ADGRF1: variants seen among roughly 807,000 people sequenced by gnomAD.
The protein encoded by ADGRF1 is adhesion G protein-coupled receptor F1.
ADGRF1 carries 85 observed loss-of-function variants against 87.2 expected under a neutral mutation model. The ratio of observed to expected loss-of-function variants is 0.97; its 90% CI spans 0.82 to 1.17. The LOEUF (loss-of-function observed/expected upper bound fraction) is 1.17, where lower values mean the gene tolerates loss of function less well. ADGRF1 is among the 50% of genes most tolerant of loss of function. The pLI is 0.00. For missense variants in ADGRF1, 1,169 were observed against 1,077.2 expected (o/e 1.09, Z -1.19); for synonymous variants, 430 against 408.8 (o/e 1.05, Z -0.63).
intron 8 of ADGRF1, 115 bp downstream of exon 8, chr6:47,016,502 C>T: frequency 1.7e-6 from 2 of 1,166,956 alleles, no homozygotes; most frequent in African/African-American, 1.5e-5. Context: ...TGCTGAAAGG[C>T]AGTTAGAGAA....
chr6:47,015,287 G>A (rs549984826), intron 8 of ADGRF1, among the ~76,000 whole-genome samples: 11 of 152,184 alleles, frequency 7.2e-5, no homozygotes, highest in Non-Finnish European at 1.6e-4. Flanking sequence ...CTTCCTACCT[G>A]TACCTCTTTA....
chr6:47,000,268 T>C lies in ADGRF1; in HGVS notation c.2687A>G (p.Asp896Gly). The C allele has an allele frequency of 6.2e-7, 1 of 1,603,974 alleles. No homozygotes were observed. The highest frequency in any genetic ancestry group is 8.5e-7 in the Non-Finnish European group (1 of 1,173,402). ...KGHYAFSHTG[D>G]SSDNIMLTQF... Reference sequence around the variant, plus strand: ...AGTTAGCATGATGTTGTCGGAGGAATCTCCAGTATGAGAAAATGCATAATG... The same window carrying C: ...AGTTAGCATGATGTTGTCGGAGGAACCTCCAGTATGAGAAAATGCATAATG... The change falls in exon 15 of 15, where the codon GAT (aspartate) becomes GGT (glycine). Residue 896 changes from aspartate (D) to glycine (G), a missense_variant. Transcript: ENST00000371253.
intron 14 of ADGRF1, among the ~76,000 whole-genome samples, chr6:47,000,959 A>G (rs567515882): frequency 1.3e-5 from 2 of 152,342 alleles, no homozygotes; most frequent in African/African-American, 4.8e-5. Context: ...CAGTTGCTCA[A>G]TAGCACAGAC....
At chr6:47,007,889 G>A (rs1031565357) in intron 11 of ADGRF1, among the ~76,000 whole-genome samples, 2 of 152,238 alleles carry the variant, frequency 1.3e-5, no homozygotes, top group African/African-American at 4.8e-5. Context: ...GTCACTGCTA[G>A]GGGCATGCTC....
intron 9 of ADGRF1, 142 bp downstream of exon 9, chr6:47,014,539 G>T: frequency 6.9e-7 from 1 of 1,442,768 alleles, no homozygotes; most frequent in Admixed American, 2.7e-5. Flanking sequence ...GGGTTCACCA[G>T]GGTCTGATGT....
At chr6:47,006,697 G>A (rs1414828895) in intron 12 of ADGRF1, among the ~76,000 whole-genome samples, 1 of 151,938 alleles carries the variant, frequency 6.6e-6, no homozygotes, top group Admixed American at 6.6e-5. Context: ...TTTCCCCTGA[G>A]TCCCCAAAGT....
At chr6:47,021,873 T>C in intron 6 of ADGRF1, 85 bp downstream of exon 6, 3 of 722,006 alleles carry the variant, frequency 4.2e-6, no homozygotes, top group Non-Finnish European at 4.8e-6. Flanking sequence ...ATTAAGAATA[T>C]GTATTAAATA....
chr6:47,009,320 C>T lies in ADGRF1; in HGVS notation c.2115G>A (p.Leu705=), dbSNP rs1779623883. ...ATATAATGAGAGGGCACCCATAACC[C>T]AGGCAAAATCCAACAGCCATCATCA... ...QHLMMAVGFC[L]GYGCPLIISV... The change falls in exon 11 of 15, where the codon CTG becomes CTA. Residue 705 remains leucine (L), a synonymous_variant. Transcript: ENST00000371253. The T allele has an allele frequency of 6.2e-7, 1 of 1,614,060 alleles. No individual in the cohort carries two copies. Among genetic ancestry groups the T allele is most frequent in the Admixed American group, 1.7e-5 (1 of 59,994 alleles).
At position 47,009,270 on chromosome 6, in the gene ADGRF1, T is replaced by G; in HGVS notation, c.2165A>C (p.Gln722Pro). ...IISVITIAVT[Q>P]PSNTYKRKDV... ...TTTCCTTTTGTAGGTATTGCTAGGTTGCGTGACAGCAATGGTAATGACAGA... is the reference window on the plus strand; with the variant it reads ...TTTCCTTTTGTAGGTATTGCTAGGTGGCGTGACAGCAATGGTAATGACAGA... The change falls in exon 11 of 15, where the codon CAA (glutamine) becomes CCA (proline). Residue 722 changes from glutamine to proline, a missense_variant. By Grantham distance (76) the Gln-to-Pro change is moderately conservative (BLOSUM62 -1). Coordinates refer to ENST00000371253, the MANE Select transcript of ADGRF1 (RefSeq NM_153840.4). 6.2e-7 allele frequency: 1 copy of G among 1,614,174 alleles called. No homozygotes were observed. Among genetic ancestry groups the G allele is most frequent in the South Asian group, 1.1e-5 (1 of 91,088 alleles).
chr6:47,022,161 G>A, intron 5 of ADGRF1, 103 bp from the exon 6 acceptor site: 2 of 665,600 alleles, frequency 3.0e-6, no homozygotes, highest in East Asian at 6.5e-5. Context: ...CTATTCAACA[G>A]TGATGTTTCA....
intron 1 of ADGRF1, among the ~76,000 whole-genome samples, chr6:47,038,981 C>T (rs1007672491): frequency 6.6e-6 from 1 of 152,158 alleles, no homozygotes; most frequent in African/African-American, 2.4e-5. Context: ...ATATAATCTG[C>T]TTAACACAAA....
intron 1 of ADGRF1, among the ~76,000 whole-genome samples, chr6:47,032,787 G>T (rs2113907375): frequency 6.6e-6 from 1 of 152,320 alleles, no homozygotes; most frequent in South Asian, 2.1e-4. Context: ...TTGCTGGATT[G>T]TGTCAGAATT....
chr6:47,010,646 T>G (rs1779678897), intron 10 of ADGRF1, among the ~76,000 whole-genome samples: 1 of 152,182 alleles, frequency 6.6e-6, no homozygotes, highest in Admixed American at 6.5e-5. Flanking sequence ...CTCCGAGATG[T>G]TAAAAATGAC....
chr6:47,009,942 T>C lies in ADGRF1; in HGVS notation c.1493A>G (p.Asn498Ser). 1 of 1,614,164 alleles carries C rather than the reference T, an allele frequency of 6.2e-7. No individual in the cohort carries two copies. Among genetic ancestry groups the C allele is most frequent in the Non-Finnish European group, 8.5e-7 (1 of 1,179,974 alleles). The change falls in exon 11 of 15, where the codon AAT becomes AGT. Residue 498 changes from asparagine (N) to serine (S), a missense_variant. Asn to Ser is a conservative substitution (Grantham distance 46). Transcript: ENST00000371253. ...GNILPVSKNG[N>S]AQVNGPVIST... Reference sequence around the variant, plus strand: ...TATCACAGGTCCATTGACCTGAGCATTTCCATTTTTGGAAACGGGTAGAAT... The same window carrying C: ...TATCACAGGTCCATTGACCTGAGCACTTCCATTTTTGGAAACGGGTAGAAT...
chr6:47,040,116 C>A (rs11965700), intron 1 of ADGRF1, among the ~76,000 whole-genome samples: 57,676 of 151,998 alleles, frequency 0.38, 11,075 homozygotes, highest in Middle Eastern at 0.56. Context: ...TATTTGGCAA[C>A]AGCGTTTCCC....
chr6:47,014,209 T>C, intron 9 of ADGRF1: 18 of 979,410 alleles, frequency 1.8e-5, no homozygotes, highest in Non-Finnish European at 2.1e-5. Flanking sequence ...CAGATGCCCC[T>C]TAAGGTCCAT....
intron 5 of ADGRF1, among the ~76,000 whole-genome samples, chr6:47,023,630 C>G (rs1166610708): frequency 6.6e-6 from 1 of 152,186 alleles, no homozygotes; most frequent in Non-Finnish European, 1.5e-5. Flanking sequence ...TTAATGGAAT[C>G]ATTCACTATA....
intron 8 of ADGRF1, among the ~76,000 whole-genome samples, chr6:47,015,991 G>A (rs146243014): frequency 1.3e-5 from 2 of 152,148 alleles, no homozygotes; most frequent in East Asian, 3.9e-4. Context: ...GCCCACTCTG[G>A]CCTCCCAAAG....
chr6:47,035,579 G>C (rs1335406093), intron 1 of ADGRF1, among the ~76,000 whole-genome samples: 3 of 152,106 alleles, frequency 2.0e-5, no homozygotes, highest in African/African-American at 7.2e-5. Context: ...AAAATGAAAA[G>C]GTAACATTTA....
Sources: gnomAD v4.1 joint callset for allele counts (sites outside exome capture counted in the v4.1 genomes callset) on GRCh38, gnomAD v4.1.1 for gene constraint, MANE v1.5 for transcripts, NCBI Gene and HGNC (gene_info 2026-07-23, HGNC 2026-07-21) for gene names.